Variants in ELF1 observed in about 807,000 individuals in gnomAD.
ELF1 encodes the protein ETS-related transcription factor Elf-1.
A neutral mutation model predicts 59.9 loss-of-function variants in ELF1; 24 were observed. That is an observed-to-expected ratio of 0.40 (90% CI 0.29 to 0.56). ELF1 has a LOEUF of 0.56. Among genes scored for constraint, ELF1 ranks in the 20% least tolerant of loss-of-function variants. ELF1 has a pLI of 0.44. For missense variants in ELF1, 627 were observed against 742.2 expected (o/e 0.84, Z 1.80); for synonymous variants, 248 against 266.2 (o/e 0.93, Z 0.67).
chr13:41,010,232 C>G (rs769612741), intron 1 of ELF1, among the ~76,000 whole-genome samples: 58 of 146,426 alleles, frequency 4.0e-4, no homozygotes, highest in Middle Eastern at 3.5e-3. Flanking sequence ...ATAGCCAGAC[C>G]GCATACCCAC....
At chr13:40,995,012 C>T (rs1038306858) in intron 1 of ELF1, among the ~76,000 whole-genome samples, 4 of 152,248 alleles carry the variant, frequency 2.6e-5, no homozygotes, top group Admixed American at 2.6e-4. Context: ...CTACATGACA[C>T]GCCTCCCCCA....
At chr13:41,051,504 T>C (rs1593414395) in intron 1 of ELF1, among the ~76,000 whole-genome samples, 1 of 151,902 alleles carries the variant, frequency 6.6e-6, no homozygotes, top group African/African-American at 2.4e-5. Flanking sequence ...CATTACAACC[T>C]TGAAAAGTTG....
intron 2 of ELF1, among the ~76,000 whole-genome samples, chr13:40,979,435 C>A (rs118107396): frequency 6.6e-6 from 1 of 152,132 alleles, no homozygotes. Flanking sequence ...TAATAAGCAG[C>A]GGAGCCAAGA....
At chr13:41,002,942 T>G (rs1436953655) in intron 1 of ELF1, among the ~76,000 whole-genome samples, 5 of 152,080 alleles carry the variant, frequency 3.3e-5, no homozygotes, top group African/African-American at 1.2e-4. Context: ...ATAAACACAG[T>G]TTAAAAGAAT....
At position 40,958,832 on chromosome 13, in the gene ELF1, G is replaced by A. The variant is rs549633186; in HGVS notation, c.253+4C>T. 10 of 1,604,392 alleles carry A rather than the reference G, an allele frequency of 6.2e-6. No individual in the cohort carries two copies. The highest frequency in any genetic ancestry group is 4.5e-5 in the East Asian group (2 of 44,860). On this transcript the variant is annotated splice_donor_region_variant and intron_variant, in intron 3 of 8. Coordinates refer to ENST00000239882, the MANE Select transcript of ELF1 (RefSeq NM_172373.4). ...AAGGTCCTACTGGATGGAGACACAC[G>A]CACCTGTAAGGGTGATGTCATCATC...
chr13:41,036,715 CAAT>C (rs1350004829), intron 1 of ELF1, among the ~76,000 whole-genome samples: 5 of 152,260 alleles, frequency 3.3e-5, no homozygotes, highest in African/African-American at 7.2e-5. Context: ...AAATGTCCAA[CAAT>C]GATAGACTGG....
intron 1 of ELF1, among the ~76,000 whole-genome samples, chr13:41,004,556 T>C (rs1006678566): frequency 1.3e-5 from 2 of 152,168 alleles, no homozygotes; most frequent in African/African-American, 2.4e-5. Flanking sequence ...TCAACCTCTA[T>C]AACTTTCCAT....
intron 5 of ELF1, among the ~76,000 whole-genome samples, chr13:40,947,169 T>G (rs1401556385): frequency 6.6e-6 from 1 of 151,960 alleles, no homozygotes; most frequent in Non-Finnish European, 1.5e-5. Flanking sequence ...CAGCATTATT[T>G]GCAGTTGCCC....
rs748199002 is a variant in ELF1 at position 40,941,379 on chromosome 13, A to C, written c.807-9T>G. 6.5e-7 allele frequency: 1 copy of C among 1,549,930 alleles called. No individual in the cohort carries two copies. The highest frequency in any genetic ancestry group is 8.7e-7 in the Non-Finnish European group (1 of 1,151,266). ...CCCTTTGGTAATAGTACCTATTCAA[A>C]GCAGACAATTTCATCAATCAATCAA... On this transcript the variant is annotated splice_polypyrimidine_tract_variant and intron_variant, in intron 7 of 8. Transcript: ENST00000239882.
chr13:41,012,312 C>CAAA (rs56791748), intron 1 of ELF1, among the ~76,000 whole-genome samples: 49 of 65,030 alleles, frequency 7.5e-4, no homozygotes, highest in African/African-American at 2.2e-3. Flanking sequence ...GACTCTGTCT[C>CAAA]AAAAAAAAAA....
At chr13:40,952,368 C>CTT (rs35141791) in intron 3 of ELF1, among the ~76,000 whole-genome samples, 30 of 146,264 alleles carry the variant, frequency 2.1e-4, no homozygotes, top group Non-Finnish European at 2.8e-4. Context: ...TTTGGTTTTG[C>CTT]TTTTTTTTTT....
At chr13:41,013,243 C>T (rs1012924196) in intron 1 of ELF1, among the ~76,000 whole-genome samples, 1 of 152,152 alleles carries the variant, frequency 6.6e-6, no homozygotes, top group African/African-American at 2.4e-5. Context: ...TATCTATACT[C>T]TGCAAAGCCT....
At chr13:41,037,181 CATACAATGTGCTAAGTGTCAT>C (rs1206636168) in intron 1 of ELF1, among the ~76,000 whole-genome samples, 1 of 151,928 alleles carries the variant, frequency 6.6e-6, no homozygotes, top group East Asian at 1.9e-4. Context: ...TTCTTGGGCA[CATACAATGTGCTAAGTGTCAT>C]ATACAATGTG....
intron 7 of ELF1, among the ~76,000 whole-genome samples, chr13:40,942,142 G>A (rs1005819664): frequency 6.6e-6 from 1 of 152,018 alleles, no homozygotes; most frequent in African/African-American, 2.4e-5. Context: ...TGACTTTTGT[G>A]TATAAAATTT....
chr13:40,950,030 G>T (rs9590564), intron 4 of ELF1, 57 bp from the exon 5 acceptor site: 2 of 1,394,676 alleles, frequency 1.4e-6, no homozygotes. Flanking sequence ...GTTAAAAAAC[G>T]ATTGAGAAAA....
chr13:41,011,704 A>G (rs1320258520), intron 1 of ELF1, among the ~76,000 whole-genome samples: 2 of 152,110 alleles, frequency 1.3e-5, no homozygotes, highest in East Asian at 1.9e-4. Context: ...TTGGCCTCCC[A>G]AAGTGCTGGG....
chr13:41,057,589 G>A (rs1877335785), intron 1 of ELF1, among the ~76,000 whole-genome samples: 1 of 152,100 alleles, frequency 6.6e-6, no homozygotes, highest in Non-Finnish European at 1.5e-5. Flanking sequence ...ATTTTTGGTA[G>A]AGATGGGATT....
At chr13:41,041,822 T>G (rs1296343669) in intron 1 of ELF1, among the ~76,000 whole-genome samples, 2 of 152,146 alleles carry the variant, frequency 1.3e-5, no homozygotes, top group African/African-American at 4.8e-5. Flanking sequence ...GATTCTCTAT[T>G]TTTTACTTTC....
At chr13:41,012,877 G>C (rs564043974) in intron 1 of ELF1, among the ~76,000 whole-genome samples, 1 of 151,894 alleles carries the variant, frequency 6.6e-6, no homozygotes, top group Non-Finnish European at 1.5e-5. Context: ...TCTAAAATTG[G>C]TATCTTCTCT....
Sources: gnomAD v4.1 joint callset for allele counts (sites outside exome capture counted in the v4.1 genomes callset) on GRCh38, gnomAD v4.1.1 for gene constraint, MANE v1.5 for transcripts, NCBI Gene and HGNC (gene_info 2026-07-23, HGNC 2026-07-21) for gene names.